The following STXBP2 variants were observed in gnomAD, a reference collection of about 807,000 sequenced individuals.
The protein encoded by STXBP2 is syntaxin binding protein 2.
STXBP2 carries 47 observed loss-of-function variants against 72.2 expected under a neutral mutation model. The observed-to-expected ratio is 0.65, with a 90% CI of 0.51 to 0.83. The LOEUF (loss-of-function observed/expected upper bound fraction) is 0.83. Among genes scored for constraint, STXBP2 ranks in the 40% least tolerant of loss-of-function variants. The pLI is 0.00. For synonymous variants in STXBP2, 367 were observed against 338.7 expected (o/e 1.08, Z -0.92); for missense variants, 702 against 807.6 (o/e 0.87, Z 1.58).
chr19:7,640,470 GTGTGTGCA>G (rs1359961321), intron 4 of STXBP2: 8 of 671,736 alleles, frequency 1.2e-5, no homozygotes, highest in Admixed American at 2.1e-5. Flanking sequence ...GTGCATCTCT[GTGTGTGCA>G]TGTGTGTATG....
intron 4 of STXBP2, 56 bp downstream of exon 4, chr19:7,639,863 T>G (rs762534168): frequency 1.7e-5 from 27 of 1,546,336 alleles, no homozygotes; most frequent in Non-Finnish European, 2.3e-5. Context: ...CATGTGCATG[T>G]GTGTGTATGT....
In STXBP2 at chr19:7,641,768, C is replaced by G; in HGVS notation, c.493C>G (p.Arg165Gly). The G allele has an allele frequency of 1.3e-6, 2 of 1,552,320 alleles. No individual in the cohort carries two copies. The highest frequency in any genetic ancestry group is 1.7e-6 in the Non-Finnish European group (2 of 1,147,968). ...CTACTGCCCCTTCCGGGCAGAGGAG[C>G]GCACGCGGCAGCTCGAGGTGCTGGC... ...NLYCPFRAEE[R>G]TRQLEVLAQQ... The change falls in exon 7 of 19, where the codon CGC (arginine) becomes GGC (glycine). Residue 165 changes from arginine to glycine, a missense_variant. Arg to Gly is a moderately radical substitution (Grantham distance 125). Coordinates refer to ENST00000221283, the MANE Select transcript of STXBP2 (RefSeq NM_006949.4).
upstream of STXBP2, chr19:7,632,730 T>G (rs1227481498): frequency 6.4e-7 from 1 of 1,560,750 alleles, no homozygotes; most frequent in South Asian, 1.2e-5. This position sits in a 1 kb window ranked among gnomAD's most constrained non-coding sequence, Gnocchi z 5.2. Context: ...CTTGGTGGTC[T>G]GGCCCGGCCC....
At position 7,644,746 on chromosome 19, in the gene STXBP2, C is replaced by T. The variant is rs113305305; in HGVS notation, c.1240C>T (p.Arg414Trp). The T allele has an allele frequency of 4.3e-6, 7 of 1,613,414 alleles. No homozygotes were observed. Among genetic ancestry groups the T allele is most frequent in the South Asian group, 1.1e-5 (1 of 91,068 alleles). ...IRVLLLYILL[R>W]NGVSEENLAK... Reference sequence around the variant, plus strand: ...GGTCCTGCTGCTCTACATCCTCCTTCGGAATGGTGGGTGGGGGCTGCAGGG... The same window carrying T: ...GGTCCTGCTGCTCTACATCCTCCTTTGGAATGGTGGGTGGGGGCTGCAGGG... The change falls in exon 14 of 19, where the codon CGG becomes TGG. Residue 414 changes from arginine to tryptophan, a missense_variant. Arg to Trp is a moderately radical substitution (Grantham distance 101). Transcript: ENST00000221283.
chr19:7,646,826 G>A, intron 16 of STXBP2: 1 of 459,616 alleles, frequency 2.2e-6, no homozygotes, highest in Non-Finnish European at 3.9e-6. Flanking sequence ...TGAGAGCCCA[G>A]ACACTGGGTT....
the STXBP2 span, chr19:7,631,238 G>A: frequency 4.3e-6 from 6 of 1,410,028 alleles, no homozygotes; most frequent in Admixed American, 1.8e-4. Flanking sequence ...TCAGCCATGA[G>A]TAAGGAACCG....
intron 1 of STXBP2, among the ~76,000 whole-genome samples, chr19:7,637,879 G>C (rs2031620654): frequency 6.6e-6 from 1 of 152,236 alleles, no homozygotes. Context: ...CTCTAGGCAG[G>C]GCGGTCTGTA....
chr19:7,641,902 CGTG>C, intron 7 of STXBP2, 49 bp downstream of exon 7: 1 of 1,579,108 alleles, frequency 6.3e-7, no homozygotes, highest in African/African-American at 1.4e-5. Context: ...CCCTTAACCG[CGTG>C]CAACACCTAA....
upstream of STXBP2, chr19:7,633,553 C>A (rs2031425634): frequency 4.1e-6 from 5 of 1,222,970 alleles, no homozygotes; most frequent in Middle Eastern, 2.0e-4. Flanking sequence ...TGTGGATTCC[C>A]CCCATCCCCA....
At chr19:7,629,918 G>T in the STXBP2 span, 1 of 1,471,366 alleles carries the variant, frequency 6.8e-7, no homozygotes, top group South Asian at 1.3e-5. Context: ...TGGATCTGAA[G>T]ATGAGGTTGG....
chr19:7,632,536 A>G (rs1196480663), upstream of STXBP2: 2 of 1,611,116 alleles, frequency 1.2e-6, no homozygotes, highest in Non-Finnish European at 1.7e-6. This position sits in a 1 kb window ranked among gnomAD's most constrained non-coding sequence, Gnocchi z 5.2. Flanking sequence ...ACGTTCACAG[A>G]CTTGGGAGGA....
At chr19:7,635,939 C>CG (rs1359928031), upstream of STXBP2, among the ~76,000 whole-genome samples, 1 of 152,122 alleles carries the variant, frequency 6.6e-6, no homozygotes, top group Non-Finnish European at 1.5e-5. Context: ...TTCTTAAGCT[C>CG]GGGGCTCCTC....
At chr19:7,633,696 T>A, upstream of STXBP2, 1 of 568,720 alleles carries the variant, frequency 1.8e-6, no homozygotes, top group East Asian at 3.0e-5. Flanking sequence ...AGCTTGGACC[T>A]CGCTGTGCCC....
intron 4 of STXBP2, chr19:7,640,124 G>C (rs886959124): frequency 2.1e-5 from 12 of 572,880 alleles, no homozygotes; most frequent in African/African-American, 6.1e-5. Flanking sequence ...GTGTATGCGT[G>C]TGTATGTATG....
At chr19:7,631,093 A>C in the STXBP2 span, 1 of 743,348 alleles carries the variant, frequency 1.3e-6, no homozygotes, top group Non-Finnish European at 2.1e-6. Context: ...CTATAATTCC[A>C]GCTGCTTGGG....
At position 7,642,013 on chromosome 19, in the gene STXBP2, C is replaced by G; in HGVS notation, c.579-21C>G. On this transcript the variant is annotated intron_variant, in intron 7 of 18. Transcript: ENST00000221283. This position sits in a 1 kb window ranked among gnomAD's most constrained non-coding sequence, Gnocchi z 6.0. ...GACCCCATCCCCTGATGATGTCCCC[C>G]GTGTCTGACCTCCCCGCCAGGGGCC... The G allele has an allele frequency of 6.8e-6, 11 of 1,613,766 alleles. No homozygotes were observed. The highest frequency in any genetic ancestry group is 8.5e-6 in the Non-Finnish European group (10 of 1,179,766).
In STXBP2 at chr19:7,644,780, C is replaced by T. The variant is rs373463367; in HGVS notation, c.1246+28C>T. On this transcript the variant is annotated intron_variant, in intron 14 of 18. Coordinates refer to ENST00000221283, the MANE Select transcript of STXBP2 (RefSeq NM_006949.4). ...GGGTGGGGGCTGCAGGGAGTTGGAA[C>T]GTCCCCATTTGCCAGCGTCTCCCAC... 1.4e-5 allele frequency: 22 copies of T among 1,613,124 alleles called. No individual in the cohort carries two copies. In the East Asian group the frequency reaches 2.5e-4, roughly 18 times the overall value.
At chr19:7,645,448 T>G in intron 15 of STXBP2, 142 bp downstream of exon 15, 1 of 773,610 alleles carries the variant, frequency 1.3e-6, no homozygotes, top group Non-Finnish European at 2.1e-6. Context: ...AAGCAGTGTT[T>G]CGGGTCTGGT....
upstream of STXBP2, among the ~76,000 whole-genome samples, chr19:7,634,424 C>G (rs146641242): frequency 5.4e-4 from 82 of 152,360 alleles, no homozygotes; most frequent in African/African-American, 1.8e-3. Flanking sequence ...TTCACACTCT[C>G]TCCCTCTATG....
Sources: gnomAD v4.1 joint callset for allele counts (sites outside exome capture counted in the v4.1 genomes callset) on GRCh38, gnomAD v4.1.1 for gene constraint, Gnocchi (gnomAD v3.1) non-coding constraint, MANE v1.5 for transcripts, NCBI Gene and HGNC (gene_info 2026-07-23, HGNC 2026-07-21) for gene names.